Variants in KCNC4 observed in about 807,000 individuals in gnomAD.
KCNC4 encodes voltage-gated potassium channel KCNC4.
KCNC4 carries 23 observed loss-of-function variants against 42.8 expected under a neutral mutation model. That is an observed-to-expected ratio of 0.54 (90% confidence interval 0.39 to 0.76). The LOEUF is 0.76. KCNC4 is among the 30% of genes least tolerant of loss of function. The pLI is 0.00. For synonymous variants in KCNC4, 422 were observed against 393.5 expected (o/e 1.07, Z -0.86); for missense variants, 751 against 898.2 (o/e 0.84, Z 2.10).
rs1658362797 is a variant in KCNC4, at chr1:110,225,958, C to T, written c.1616-17C>T. ...GGTCGCCCCTCATGCAGCCTCCTTTCTGTGTGCCCCCTTCAGACTCTAAGC... is the reference window on the plus strand; with the variant it reads ...GGTCGCCCCTCATGCAGCCTCCTTTTTGTGTGCCCCCTTCAGACTCTAAGC... On this transcript the variant is annotated splice_polypyrimidine_tract_variant and intron_variant, in intron 2 of 3. Transcript: ENST00000438661. 6.4e-7 allele frequency: 1 copy of T among 1,562,676 alleles called. No homozygotes were observed. Among genetic ancestry groups the T allele is most frequent in the African/African-American group, 1.4e-5 (1 of 73,806 alleles).
intron 1 of KCNC4, among the ~76,000 whole-genome samples, chr1:110,277,637 G>A (rs746289108): frequency 6.6e-6 from 1 of 152,222 alleles, no homozygotes; most frequent in Non-Finnish European, 1.5e-5. Context: ...TTCTAAACCA[G>A]ATTCCAGGAA....
At position 110,211,865 on chromosome 1, in the gene KCNC4, C is replaced by T. The variant is rs200564709; in HGVS notation, c.366C>T (p.Cys122=). The change falls in exon 1 of 4, where the codon TGC becomes TGT. Residue 122 remains cysteine (C), a synonymous_variant. Transcript: ENST00000438661. This position sits in a 1 kb window ranked among gnomAD's most constrained non-coding sequence, Gnocchi z 6.5. The part of the protein sequence containing the change: ...TGKLHCPADV[C]GPLFEEELTF... ...AGCTGCACTGCCCCGCGGACGTGTG[C>T]GGGCCGCTCTTCGAAGAGGAGCTCA... 4 of 1,611,726 alleles carry T rather than the reference C, an allele frequency of 2.5e-6. No homozygotes were observed. Among genetic ancestry groups the T allele is most frequent in the Non-Finnish European group, 3.4e-6 (4 of 1,179,858 alleles).
intron 2 of KCNC4, 100 bp from the exon 3 acceptor site, chr1:110,225,875 G>C (rs950849693): frequency 1.7e-6 from 2 of 1,163,862 alleles, no homozygotes; most frequent in African/African-American, 3.1e-5. Context: ...CCCTCCCAAG[G>C]TTGAGGAAGT....
At chr1:110,267,634 G>C (rs542292014) in intron 1 of KCNC4, among the ~76,000 whole-genome samples, 6 of 152,134 alleles carry the variant, frequency 3.9e-5, no homozygotes, top group African/African-American at 1.4e-4. Context: ...AGCAAGATGC[G>C]AACCTCTACA....
intron 1 of KCNC4, among the ~76,000 whole-genome samples, chr1:110,270,527 A>C (rs1377803252): frequency 6.6e-6 from 1 of 152,212 alleles, no homozygotes; most frequent in Non-Finnish European, 1.5e-5. Context: ...CGAGTCTTAC[A>C]AGTTGTCCCC....
At position 110,211,632 on chromosome 1, in the gene KCNC4, A is replaced by G. The variant is rs1657457559; in HGVS notation, c.133A>G (p.Thr45Ala). The change falls in exon 1 of 4, where the codon ACG becomes GCG. Residue 45 changes from threonine (T) to alanine (A), a missense_variant. Coordinates refer to ENST00000438661, the MANE Select transcript of KCNC4 (RefSeq NM_001039574.3). This position sits in a 1 kb window ranked among gnomAD's most constrained non-coding sequence, Gnocchi z 6.5. ...GAAGATCATCATCAACGTGGGCGGC[A>G]CGCGACATGAGACCTACCGCAGCAC... ...SEKIIINVGG[T>A]RHETYRSTLR... The G allele has an allele frequency of 1.2e-6, 2 of 1,613,906 alleles. No homozygotes were observed. Among genetic ancestry groups the G allele is most frequent in the East Asian group, 4.5e-5 (2 of 44,874 alleles).
At chr1:110,242,327 G>A (rs1442670398) in exon 4 of KCNC4, 2 of 152,162 alleles carry the variant, frequency 1.3e-5, no homozygotes, top group African/African-American at 4.8e-5. Flanking sequence ...GGTGTTCTGT[G>A]AGCCTCCCAC....
rs1049083691 is a variant in KCNC4, at chr1:110,233,218, T to C, written c.*246T>C. 2.4e-5 allele frequency: 14 copies of C among 594,392 alleles called. No individual in the cohort carries two copies. The highest frequency in any genetic ancestry group is 1.7e-4 in the East Asian group (6 of 35,998). The allele number at this position is 594,392 out of a possible 1,614,324, so 36.8% of individuals were successfully genotyped here. A position where few individuals can be genotyped will look rare whatever the true frequency, so the allele number is the denominator to read the frequency against. The stretch of plus-strand genomic sequence containing the variant: ...ATCTATATTCATACATATTATACTC[T>C]TGTGTGTAGTGCACGTGCTATTGGT... On this transcript the variant is annotated 3_prime_UTR_variant, in exon 4 of 4. Transcript: ENST00000438661.
chr1:110,273,853 G>T (rs1221150850), intron 1 of KCNC4, among the ~76,000 whole-genome samples: 1 of 152,174 alleles, frequency 6.6e-6, no homozygotes, highest in African/African-American at 2.4e-5. Context: ...TGAGTTTTCT[G>T]AGGGAGTCAT....
downstream of KCNC4, among the ~76,000 whole-genome samples, chr1:110,283,835 TA>T (rs1659868340): frequency 6.6e-6 from 1 of 152,246 alleles, no homozygotes; most frequent in African/African-American, 2.4e-5. Flanking sequence ...GCTCCCTAGC[TA>T]CACAGTTATT....
intron 1 of KCNC4, among the ~76,000 whole-genome samples, chr1:110,214,511 C>CA: frequency 6.6e-6 from 1 of 152,346 alleles, no homozygotes; most frequent in East Asian, 1.9e-4. Context: ...GCACCCCAGA[C>CA]AGATACATTG....
intron 1 of KCNC4, chr1:110,282,482 T>C (rs764541997): frequency 1.3e-5 from 2 of 152,234 alleles, no homozygotes; most frequent in Non-Finnish European, 2.9e-5. Context: ...TGCTTGAGTG[T>C]CTGTAATGTT....
intron 3 of KCNC4, among the ~76,000 whole-genome samples, chr1:110,227,036 C>T (rs1311119344): frequency 6.6e-6 from 1 of 152,202 alleles, no homozygotes; most frequent in African/African-American, 2.4e-5. Context: ...ATTCGTCTCT[C>T]TTGCCCTGTC....
chr1:110,262,660 C>A (rs1262332633), intron 1 of KCNC4, among the ~76,000 whole-genome samples: 1 of 152,236 alleles, frequency 6.6e-6, no homozygotes, highest in African/African-American at 2.4e-5. Flanking sequence ...TTCTGCCTCA[C>A]TGTCTCTATC....
intron 1 of KCNC4, among the ~76,000 whole-genome samples, chr1:110,269,290 C>A (rs1659600652): frequency 6.6e-6 from 1 of 152,166 alleles, no homozygotes; most frequent in Non-Finnish European, 1.5e-5. Flanking sequence ...ACAATTCCAT[C>A]ACCCCAAAAC....
At chr1:110,213,842 C>T (rs1189079219) in intron 1 of KCNC4, among the ~76,000 whole-genome samples, 1 of 152,110 alleles carries the variant, frequency 6.6e-6, no homozygotes, top group African/African-American at 2.4e-5. Context: ...CATTCAGACT[C>T]TTTCAAAGTT....
exon 4 of KCNC4, chr1:110,245,679 A>T (rs1659131256): frequency 6.6e-6 from 1 of 152,184 alleles, no homozygotes; most frequent in Non-Finnish European, 1.5e-5. Context: ...CGCCCAACAG[A>T]GTTGGCTTGA....
chr1:110,212,034 G>A lies in KCNC4; in HGVS notation c.535G>A (p.Asp179Asn), dbSNP rs1233279971. The A allele has an allele frequency of 6.3e-7, 1 of 1,586,660 alleles. No individual in the cohort carries two copies. ...CGCGGGGCCCAGCGACGAGGCCGGCGACGATGAGCGGGAGCTGGCCCTGCA... is the reference window on the plus strand; with the variant it reads ...CGCGGGGCCCAGCGACGAGGCCGGCAACGATGAGCGGGAGCTGGCCCTGCA... The part of the protein sequence containing the change: ...SGAGPSDEAG[D>N]DERELALQRL... Residue 179 changes from aspartate (D) to asparagine (N), a missense_variant, in exon 1 of 4, where the codon GAC (aspartate) becomes AAC (asparagine). Physicochemically the swap from Asp to Asn is conservative, Grantham distance 23 (BLOSUM62 1). Coordinates refer to ENST00000438661, the MANE Select transcript of KCNC4 (RefSeq NM_001039574.3).
chr1:110,229,790 G>A (rs963448411), intron 3 of KCNC4, among the ~76,000 whole-genome samples: 1 of 152,134 alleles, frequency 6.6e-6, no homozygotes, highest in African/African-American at 2.4e-5. Flanking sequence ...CCCGGGAAGG[G>A]GGCCCTCCAC....
Sources: gnomAD v4.1 joint callset for allele counts (sites outside exome capture counted in the v4.1 genomes callset) on GRCh38, gnomAD v4.1.1 for gene constraint, Gnocchi (gnomAD v3.1) non-coding constraint, MANE v1.5 for transcripts, NCBI Gene and HGNC (gene_info 2026-07-23, HGNC 2026-07-21) for gene names.